Variants in FBXO40 observed in about 807,000 individuals in gnomAD.
The protein encoded by FBXO40 is F-box only protein 40.
Under a neutral mutation model 49.9 loss-of-function variants are expected in FBXO40, and 50 were observed. That is an observed-to-expected ratio of 1.00 (90% confidence interval 0.80 to 1.27). The LOEUF (loss-of-function observed/expected upper bound fraction) is 1.27. Among genes scored for constraint, FBXO40 ranks in the 50% most tolerant of loss-of-function variants. The pLI is 0.00. For missense variants in FBXO40, 895 were observed against 870.1 expected, an observed-to-expected ratio of 1.03 and a Z score of -0.36; for synonymous variants, 340 against 320.2, an observed-to-expected ratio of 1.06 and a Z score of -0.66.
intron 1 of FBXO40, among the ~76,000 whole-genome samples, chr3:121,603,192 G>C (rs925386799): frequency 2.0e-5 from 3 of 152,166 alleles, no homozygotes; most frequent in Non-Finnish European, 4.4e-5. Context: ...AGAAAAGAGT[G>C]TCCTGATCCA....
intron 1 of FBXO40, among the ~76,000 whole-genome samples, chr3:121,605,249 T>A (rs149633206): frequency 4.6e-5 from 7 of 152,312 alleles, no homozygotes; most frequent in East Asian, 3.9e-4. Context: ...CTGGCTTTTT[T>A]AAATAGTCTT....
intron 1 of FBXO40, among the ~76,000 whole-genome samples, chr3:121,619,591 A>G (rs2049018322): frequency 6.6e-6 from 1 of 152,242 alleles, no homozygotes; most frequent in Admixed American, 6.5e-5. Context: ...ACTACTTTAT[A>G]ATAGCAAACA....
Position 121,622,961 on chromosome 3 carries a change from G to GC in FBXO40, c.1537dup (p.Leu513ProfsTer25). Reference sequence around the variant, plus strand: ...CTCAATGGCTGGTTCCAGCATCGATGCCCCCTCGCCTACTTGGGATGTACA... The same window carrying GC: ...CTCAATGGCTGGTTCCAGCATCGATGCCCCCCTCGCCTACTTGGGATGTACA... On this transcript the variant is annotated frameshift_variant, in exon 3 of 4. Transcript: ENST00000338040. LOFTEE classifies it high-confidence loss of function. 1 of 1,614,170 alleles carries GC rather than the reference G, an allele frequency of 6.2e-7. No homozygotes were observed. Among genetic ancestry groups the GC allele is most frequent in the Non-Finnish European group, 8.5e-7 (1 of 1,180,028 alleles).
intron 1 of FBXO40, among the ~76,000 whole-genome samples, chr3:121,598,892 C>T (rs1472374527): frequency 1.3e-5 from 2 of 152,162 alleles, no homozygotes; most frequent in Non-Finnish European, 2.9e-5. Flanking sequence ...TTGCCAGGTG[C>T]TAAATGCTTC....
chr3:121,608,131 G>C (rs568789307), intron 1 of FBXO40, among the ~76,000 whole-genome samples: 30 of 152,266 alleles, frequency 2.0e-4, no homozygotes, highest in Admixed American at 2.0e-3. Context: ...CAGTGGCCTT[G>C]GCCCCCACAT....
At chr3:121,597,370 G>C (rs534393639) in intron 1 of FBXO40, among the ~76,000 whole-genome samples, 2 of 151,934 alleles carry the variant, frequency 1.3e-5, no homozygotes, top group African/African-American at 2.4e-5. Flanking sequence ...GGCCGAAAGT[G>C]GGGGGAAGTG....
rs547889579 is a variant in FBXO40, at chr3:121,628,113, C to A, written c.*1203C>A. 2 of 395,538 alleles carry A rather than the reference C, an allele frequency of 5.1e-6. No homozygotes were observed. The highest frequency in any genetic ancestry group is 3.6e-5 in the East Asian group (1 of 27,956). The allele number at this position is 395,538 out of a possible 1,614,324, so 24.5% of individuals were successfully genotyped here. The stretch of plus-strand genomic sequence containing the variant: ...AAAAAGACACAGTAGAAACTGGCAT[C>A]CCCTAAAGCAGGGCTTCTTAGCCTT... On this transcript the variant is annotated 3_prime_UTR_variant, in exon 4 of 4. Coordinates refer to ENST00000338040, the MANE Select transcript of FBXO40 (RefSeq NM_016298.4).
At position 121,627,106 on chromosome 3, in the gene FBXO40, G is replaced by A. The variant is rs1000248630; in HGVS notation, c.*196G>A. The A allele has an allele frequency of 7.2e-6, 4 of 556,652 alleles. No individual in the cohort carries two copies. The highest frequency in any genetic ancestry group is 5.7e-5 in the African/African-American group (3 of 53,058). 34.5% of individuals were successfully genotyped at this position (556,652 alleles called of 1,614,324 possible). A position where few individuals can be genotyped will look rare whatever the true frequency, so the allele number is the denominator to read the frequency against. On this transcript the variant is annotated 3_prime_UTR_variant, in exon 4 of 4. Transcript: ENST00000338040. The stretch of plus-strand genomic sequence containing the variant: ...CCTAAGCCATGTCTTGTACCATAGT[G>A]CCACATTGATGACTTGTTTCCTTTT...
chr3:121,626,669 C>T, intron 3 of FBXO40, 26 bp from the exon 4 acceptor site: 1 of 1,610,028 alleles, frequency 6.2e-7, no homozygotes, highest in Non-Finnish European at 8.5e-7. Context: ...CTATATTCAC[C>T]TTTGAACTTC....
chr3:121,625,821 C>CA (rs1434130787), intron 3 of FBXO40, among the ~76,000 whole-genome samples: 1 of 152,018 alleles, frequency 6.6e-6, no homozygotes. Context: ...TCTAAGATCT[C>CA]AAAAAAACCA....
chr3:121,594,664 C>T (rs746307713), intron 1 of FBXO40, among the ~76,000 whole-genome samples: 11 of 151,998 alleles, frequency 7.2e-5, no homozygotes, highest in Non-Finnish European at 1.2e-4. Context: ...ATTCAAACTC[C>T]GCAGAGTTTA....
rs774172683 is a variant in FBXO40, at chr3:121,604,966, ATTTATTT to A, written c.-31+11465_-31+11471del. Reference sequence around the variant, plus strand: ...TATTTATTTATTTATTTATTTATTTATTTATTTATTATTTATTTATTTATTTGACACA... The same window carrying A: ...TATTTATTTATTTATTTATTTATTTAATTATTTATTTATTTATTTGACACA... On this transcript the variant is annotated intron_variant, in intron 1 of 3. Transcript: ENST00000338040. Among the ~76,000 whole-genome samples the A allele has an allele frequency of 1.1e-3, 147 of 129,332 alleles. 1 individual carries two copies. The highest frequency in any genetic ancestry group is 2.3e-3 in the South Asian group (9 of 3,954). 84.8% of individuals were successfully genotyped at this position (129,332 alleles called of 152,430 possible).
At position 121,599,724 on chromosome 3, in the gene FBXO40, ATTTTTTT is replaced by A. The variant is rs753693720; in HGVS notation, c.-31+6231_-31+6237del. ...CACACACATATATATATATATATATATTTTTTTTTTTTTTTGGAGACGGAGTCTCACT... is the reference window on the plus strand; with the variant it reads ...CACACACATATATATATATATATATATTTTTTTTGGAGACGGAGTCTCACT... On this transcript the variant is annotated intron_variant, in intron 1 of 3. Transcript: ENST00000338040. 5.1e-3 allele frequency among the ~76,000 whole-genome samples: 492 copies of A among 97,124 alleles called. 2 individuals carry two copies. Among genetic ancestry groups the A allele is most frequent in the Non-Finnish European group, 8.0e-3 (404 of 50,488 alleles). The allele number at this position is 97,124 out of a possible 152,430, so 63.7% of individuals were successfully genotyped here. A position where few individuals can be genotyped will look rare whatever the true frequency, so the allele number is the denominator to read the frequency against.
intron 1 of FBXO40, among the ~76,000 whole-genome samples, chr3:121,594,920 C>T (rs535624916): frequency 6.6e-6 from 1 of 152,274 alleles, no homozygotes; most frequent in East Asian, 1.9e-4. Flanking sequence ...GATAGTTTCT[C>T]GCTTCTGGAA....
intron 1 of FBXO40, among the ~76,000 whole-genome samples, chr3:121,604,594 A>G (rs977816382): frequency 6.6e-6 from 1 of 152,192 alleles, no homozygotes; most frequent in Non-Finnish European, 1.5e-5. Context: ...TTGTTGATGC[A>G]TATCTGGAGG....
Position 121,620,550 on chromosome 3 carries a change from A to G in FBXO40, c.-26A>G, listed in dbSNP as rs745500009. On this transcript the variant is annotated 5_prime_UTR_variant, in exon 2 of 4. Transcript: ENST00000338040. Reference sequence around the variant, plus strand: ...TATATTCATATTTTCCCGTAGAGCTAAGAAGCAAGAAGAAATTGGGGCGCC... The same window carrying G: ...TATATTCATATTTTCCCGTAGAGCTGAGAAGCAAGAAGAAATTGGGGCGCC... 3 of 1,613,942 alleles carry G rather than the reference A, an allele frequency of 1.9e-6. No homozygotes were observed.
At chr3:121,620,954 C>T (rs989593968) in intron 2 of FBXO40, among the ~76,000 whole-genome samples, 4 of 152,136 alleles carry the variant, frequency 2.6e-5, no homozygotes, top group Admixed American at 2.0e-4. Context: ...CCTCCCAGCC[C>T]GCACTCTGGT....
At chr3:121,609,825 T>C (rs1431520942) in intron 1 of FBXO40, among the ~76,000 whole-genome samples, 2 of 152,230 alleles carry the variant, frequency 1.3e-5, no homozygotes, top group African/African-American at 2.4e-5. Context: ...TGCCCATCAA[T>C]GCCTGTACAG....
intron 1 of FBXO40, among the ~76,000 whole-genome samples, chr3:121,596,351 T>C (rs1264879351): frequency 1.3e-5 from 2 of 152,182 alleles, no homozygotes; most frequent in African/African-American, 2.4e-5. Context: ...TCTGGGAGCA[T>C]AGGCAAGACA....
Sources: gnomAD v4.1 joint callset for allele counts (sites outside exome capture counted in the v4.1 genomes callset) on GRCh38, gnomAD v4.1.1 for gene constraint, MANE v1.5 for transcripts, NCBI Gene and HGNC (gene_info 2026-07-23, HGNC 2026-07-21) for gene names.